GLG1: variants seen among roughly 807,000 people sequenced by gnomAD.
The protein encoded by GLG1 is golgi glycoprotein 1.
In GLG1, 38 loss-of-function variants were observed where a neutral mutation model predicts 160.5. That is an observed-to-expected ratio of 0.24 (90% confidence interval 0.18 to 0.31). The LOEUF (loss-of-function observed/expected upper bound fraction) is 0.31. GLG1 is among the 10% of genes least tolerant of loss of function. The pLI is 1.00. For missense variants in GLG1, 1,373 were observed against 1,505.2 expected, an observed-to-expected ratio of 0.91 and a Z score of 1.45; for synonymous variants, 644 against 543.4, an observed-to-expected ratio of 1.19 and a Z score of -2.57.
chr16:74,590,616 G>A (rs1412845030), intron 1 of GLG1, among the ~76,000 whole-genome samples: 5 of 101,466 alleles, frequency 4.9e-5, no homozygotes, highest in East Asian at 5.9e-4. Flanking sequence ...GTGAGACTCC[G>A]TCTCCAAAAA....
At chr16:74,535,295 G>A (rs1240017723) in intron 1 of GLG1, among the ~76,000 whole-genome samples, 2 of 152,252 alleles carry the variant, frequency 1.3e-5, no homozygotes, top group Non-Finnish European at 2.9e-5. Context: ...AAAGCACAGA[G>A]CACTACTGTA....
At chr16:74,462,932 A>T in intron 20 of GLG1, 1 of 450,342 alleles carries the variant, frequency 2.2e-6, no homozygotes. Flanking sequence ...TCCCCATAAC[A>T]GACACTTTTG....
chr16:74,555,828 T>C (rs974006706), intron 1 of GLG1, among the ~76,000 whole-genome samples: 2 of 145,952 alleles, frequency 1.4e-5, no homozygotes, highest in African/African-American at 5.2e-5. Context: ...TGATAATTCA[T>C]CTTTTTTTTT....
At chr16:74,503,309 G>A (rs2016478511) in intron 4 of GLG1, among the ~76,000 whole-genome samples, 2 of 152,102 alleles carry the variant, frequency 1.3e-5, no homozygotes, top group South Asian at 4.2e-4. Flanking sequence ...ACTCTTTGCA[G>A]GTATTAATTC....
At chr16:74,579,167 C>A (rs994396699) in intron 1 of GLG1, among the ~76,000 whole-genome samples, 2 of 151,694 alleles carry the variant, frequency 1.3e-5, no homozygotes, top group African/African-American at 4.8e-5. Context: ...GGAGACACAG[C>A]AAGACCCTGT....
chr16:74,460,393 G>A (rs1474488459), intron 22 of GLG1, among the ~76,000 whole-genome samples: 1 of 152,166 alleles, frequency 6.6e-6, no homozygotes, highest in African/African-American at 2.4e-5. Context: ...CTGACCTCAG[G>A]TGATCCTCCT....
chr16:74,492,390 G>C (rs938159824), intron 7 of GLG1, among the ~76,000 whole-genome samples: 4 of 145,322 alleles, frequency 2.8e-5, no homozygotes, highest in African/African-American at 5.1e-5. Context: ...GAAAAGACAA[G>C]AAAACTATTC....
At chr16:74,603,245 A>G (rs1431460069) in intron 1 of GLG1, among the ~76,000 whole-genome samples, 2 of 151,940 alleles carry the variant, frequency 1.3e-5, no homozygotes, top group Non-Finnish European at 2.9e-5. Flanking sequence ...CTCTGTCTCT[A>G]CTAAAAATAC....
intron 15 of GLG1, among the ~76,000 whole-genome samples, chr16:74,470,887 A>C (rs905494640): frequency 6.6e-5 from 10 of 152,084 alleles, no homozygotes; most frequent in African/African-American, 2.2e-4. Context: ...CCTTTGAAAC[A>C]GCTGGGATTA....
intron 9 of GLG1, 87 bp from the exon 10 acceptor site, chr16:74,483,211 G>A (rs747010402): frequency 3.0e-5 from 23 of 778,314 alleles, no homozygotes; most frequent in Admixed American, 9.3e-5. Context: ...TGTAGAAGGC[G>A]GCTTTTAGTT....
At chr16:74,588,223 G>A (rs1433334328) in intron 1 of GLG1, among the ~76,000 whole-genome samples, 1 of 151,850 alleles carries the variant, frequency 6.6e-6, no homozygotes, top group Non-Finnish European at 1.5e-5. Context: ...AGAAATAGTG[G>A]GCAAATAGTA....
intron 1 of GLG1, among the ~76,000 whole-genome samples, chr16:74,543,777 G>A (rs1385106233): frequency 1.3e-5 from 2 of 151,902 alleles, no homozygotes; most frequent in Admixed American, 1.3e-4. Flanking sequence ...GAAATTAACT[G>A]ATTTTGAAAA....
intron 1 of GLG1, among the ~76,000 whole-genome samples, chr16:74,587,220 C>G (rs888923278): frequency 1.3e-5 from 2 of 152,154 alleles, no homozygotes; most frequent in Non-Finnish European, 1.5e-5. Context: ...AGGCAACAAA[C>G]CAGGTGAGCC....
chr16:74,507,193 T>G (rs530799731), intron 3 of GLG1, among the ~76,000 whole-genome samples: 1 of 152,312 alleles, frequency 6.6e-6, no homozygotes, highest in East Asian at 1.9e-4. Context: ...GAGGGAGAAG[T>G]GTCCTTGTTA....
At chr16:74,545,805 G>C (rs2018029004) in intron 1 of GLG1, among the ~76,000 whole-genome samples, 3 of 152,146 alleles carry the variant, frequency 2.0e-5, no homozygotes, top group African/African-American at 7.2e-5. Context: ...GTTTTACTTA[G>C]GAAATGTTTC....
chr16:74,597,831 G>A (rs569122972), intron 1 of GLG1, among the ~76,000 whole-genome samples: 19 of 146,964 alleles, frequency 1.3e-4, no homozygotes, highest in South Asian at 2.3e-4. Context: ...TCCAGCCTGG[G>A]TGACAAAGTG....
At chr16:74,469,860 G>T in intron 16 of GLG1, 125 bp downstream of exon 16, 2 of 693,844 alleles carry the variant, frequency 2.9e-6, no homozygotes, top group Non-Finnish European at 5.3e-6. Flanking sequence ...TCAAAGGAGA[G>T]ATGCGGGAGG....
chr16:74,492,674 C>T (rs1396751039), intron 7 of GLG1, among the ~76,000 whole-genome samples: 6 of 152,022 alleles, frequency 3.9e-5, no homozygotes, highest in Middle Eastern at 3.4e-3. Flanking sequence ...CAAGAATTAG[C>T]CAGGCGCAGT....
At chr16:74,496,218 T>C (rs923977985) in intron 5 of GLG1, among the ~76,000 whole-genome samples, 1 of 151,892 alleles carries the variant, frequency 6.6e-6, no homozygotes, top group African/African-American at 2.4e-5. Context: ...CAGTGAGCCA[T>C]GATCACACCA....
Sources: allele counts gnomAD v4.1 joint callset (sites outside exome capture counted in the v4.1 genomes callset), GRCh38; gene constraint gnomAD v4.1.1; transcripts MANE v1.5; gene names NCBI Gene and HGNC (gene_info 2026-07-23, HGNC 2026-07-21).